The following JMJD1C variants were observed in gnomAD, a reference collection of about 807,000 sequenced individuals.
JMJD1C encodes jumonji domain containing 1C.
A neutral mutation model predicts 245.3 loss-of-function variants in JMJD1C; 31 were observed. That is an observed-to-expected ratio of 0.13 (90% confidence interval 0.09 to 0.17). The LOEUF (loss-of-function observed/expected upper bound fraction) is 0.17, where lower values mean the gene tolerates loss of function less well. JMJD1C is among the 10% of genes least tolerant of loss of function. The probability of loss-of-function intolerance (pLI) is 1.00; values close to 1 mark genes in which losing one functional copy is unlikely to be tolerated. For missense variants in JMJD1C, 2,691 were observed against 3,000.2 expected (o/e 0.90, Z 2.41); for synonymous variants, 1,057 against 1,017.4 (o/e 1.04, Z -0.74).
intron 14 of JMJD1C, among the ~76,000 whole-genome samples, chr10:63,194,037 A>T (rs1194638687): frequency 6.6e-6 from 1 of 152,234 alleles, no homozygotes; most frequent in Non-Finnish European, 1.5e-5. Context: ...AGAAGCTTTC[A>T]TTAAAAATCC....
At chr10:63,236,319 T>C (rs1029290057) in intron 3 of JMJD1C, among the ~76,000 whole-genome samples, 1 of 152,170 alleles carries the variant, frequency 6.6e-6, no homozygotes, top group South Asian at 2.1e-4. Context: ...TAAGTGTCAT[T>C]GGTATAAGGT....
chr10:63,382,310 C>A (rs1169281659), intron 1 of JMJD1C, among the ~76,000 whole-genome samples: 1 of 152,104 alleles, frequency 6.6e-6, no homozygotes, highest in East Asian at 1.9e-4. Flanking sequence ...CAGACAGAGA[C>A]AACCACAGAC....
chr10:63,518,452 A>G (rs1224785791), intron 1 of JMJD1C, among the ~76,000 whole-genome samples: 1 of 152,250 alleles, frequency 6.6e-6, no homozygotes, highest in Non-Finnish European at 1.5e-5. Flanking sequence ...GGGCAAAACT[A>G]CACTAGAAGA....
chr10:63,365,022 C>T (rs1945719584), intron 2 of JMJD1C, among the ~76,000 whole-genome samples: 2 of 152,228 alleles, frequency 1.3e-5, no homozygotes, highest in African/African-American at 4.8e-5. Context: ...GATTTGATCA[C>T]CGCTTACTCC....
intron 1 of JMJD1C, among the ~76,000 whole-genome samples, chr10:63,401,713 T>C (rs1011616711): frequency 2.0e-5 from 3 of 152,166 alleles, no homozygotes; most frequent in East Asian, 1.9e-4. Flanking sequence ...TTCTGAATGT[T>C]TGTGTCCCCC....
At chr10:63,424,505 T>TTC (rs1950319733) in intron 1 of JMJD1C, among the ~76,000 whole-genome samples, 1 of 145,564 alleles carries the variant, frequency 6.9e-6, no homozygotes, top group East Asian at 2.0e-4. Flanking sequence ...TTCTTTTTTT[T>TTC]TTTTTTTTTT....
chr10:63,205,079 T>G (rs1846439631), intron 10 of JMJD1C: 1 of 939,420 alleles, frequency 1.1e-6, no homozygotes, highest in Non-Finnish European at 1.3e-6. Context: ...TAGAGTAAAA[T>G]GATATAGAAA....
Position 63,208,712 on chromosome 10 carries a change from G to T in JMJD1C, c.2957C>A (p.Thr986Asn). The T allele has an allele frequency of 1.2e-6, 2 of 1,613,904 alleles. No homozygotes were observed. The highest frequency in any genetic ancestry group is 1.7e-6 in the Non-Finnish European group (2 of 1,179,826). ...CCTATGTAAGTGACAATCTTTTCCA[G>T]TCTGTGACCTATTTAGATCCAGGTC... ...KNDLDLNRSQ[T>N]GKDCHLHRHF... The change falls in exon 10 of 26, where the codon ACT (threonine) becomes AAT (asparagine). Residue 986 changes from threonine to asparagine, a missense_variant. This residue lies in a region of JMJD1C where 1,562 missense variants were observed against 1,490.7 expected (regional missense o/e 1.05). Transcript: ENST00000399262.
chr10:63,334,704 G>A (rs2134185067), intron 2 of JMJD1C, among the ~76,000 whole-genome samples: 1 of 148,864 alleles, frequency 6.7e-6, no homozygotes, highest in Admixed American at 6.7e-5. Context: ...CTGGGCAACA[G>A]AATGAGACTG....
At chr10:63,198,754 A>AG (rs1648886802) in intron 11 of JMJD1C, 27 bp from the exon 12 acceptor site, 1 of 1,339,208 alleles carries the variant, frequency 7.5e-7, no homozygotes, top group South Asian at 1.4e-5. Context: ...TAAAAGTATT[A>AG]GGTACCCACA....
chr10:63,281,290 A>G (rs375635970), intron 2 of JMJD1C, among the ~76,000 whole-genome samples: 80 of 143,012 alleles, frequency 5.6e-4, no homozygotes, highest in African/African-American at 2.0e-3. Context: ...ACACGCCACC[A>G]TGCCCGGCTA....
intron 2 of JMJD1C, among the ~76,000 whole-genome samples, chr10:63,280,320 T>A (rs1857246136): frequency 6.6e-6 from 1 of 151,990 alleles, no homozygotes; most frequent in Non-Finnish European, 1.5e-5. Context: ...GAGACTGCGG[T>A]GGACGGATCA....
At chr10:63,393,555 G>A in intron 1 of JMJD1C, among the ~76,000 whole-genome samples, 1 of 152,054 alleles carries the variant, frequency 6.6e-6, no homozygotes. Flanking sequence ...CCAAGGAAAA[G>A]ATATCAGCAC....
chr10:63,259,388 T>C (rs9415679), intron 3 of JMJD1C, among the ~76,000 whole-genome samples: 2,280 of 151,914 alleles, frequency 0.015, 55 homozygotes, highest in African/African-American at 0.052. Flanking sequence ...CCAAATGCCA[T>C]AGGACAGTAA....
chr10:63,303,910 T>C (rs1860380443), intron 2 of JMJD1C, among the ~76,000 whole-genome samples: 1 of 152,194 alleles, frequency 6.6e-6, no homozygotes, highest in South Asian at 2.1e-4. Flanking sequence ...TCTAAATTCA[T>C]ACTAAGAGTT....
At position 63,512,412 on chromosome 10, in the gene JMJD1C, T is replaced by G. The variant is rs74137767; in HGVS notation, n.113+9326A>C. On this transcript the variant is annotated intron_variant and non_coding_transcript_variant, in intron 1 of 3. Transcript: ENST00000633035. ...GCAACAAATTCCCTCAATTTTCACT[T>G]TGAGTAAGTCTTTATTCTTCCTTTA... Among the ~76,000 whole-genome samples the G allele has an allele frequency of 9.2e-3, 1,402 of 152,274 alleles. 18 individuals carry two copies. Among genetic ancestry groups the G allele is most frequent in the African/African-American group, 0.031 (1,283 of 41,544 alleles).
chr10:63,313,826 GGAT>G (rs1939567046), intron 2 of JMJD1C, among the ~76,000 whole-genome samples: 1 of 152,162 alleles, frequency 6.6e-6, no homozygotes, highest in Non-Finnish European at 1.5e-5. Context: ...TGTAGATTCT[GGAT>G]ATTAGTCCTT....
At chr10:63,418,793 T>A (rs1012127025) in intron 1 of JMJD1C, among the ~76,000 whole-genome samples, 1 of 152,024 alleles carries the variant, frequency 6.6e-6, no homozygotes, top group African/African-American at 2.4e-5. Context: ...AAAATCTAGA[T>A]AAGGGGCCTG....
At chr10:63,486,785 T>TA in intron 1 of JMJD1C, among the ~76,000 whole-genome samples, 1 of 152,146 alleles carries the variant, frequency 6.6e-6, no homozygotes, top group Non-Finnish European at 1.5e-5. Context: ...AATATTACCC[T>TA]AAAATGGGGC....
Sources: gnomAD v4.1 joint callset for allele counts (sites outside exome capture counted in the v4.1 genomes callset) on GRCh38, gnomAD v4.1.1 for gene constraint, gnomAD v4.1.1 regional missense constraint, MANE v1.5 for transcripts, NCBI Gene and HGNC (gene_info 2026-07-23, HGNC 2026-07-21) for gene names.